The following SEPTIN9 variants were observed in gnomAD, a reference collection of about 807,000 sequenced individuals.
The protein encoded by SEPTIN9 is septin 9, also known as septin-9.
Under a neutral mutation model 56.6 loss-of-function variants are expected in SEPTIN9, and 13 were observed. That is an observed-to-expected ratio of 0.23 (90% confidence interval 0.15 to 0.37). The LOEUF (loss-of-function observed/expected upper bound fraction) is 0.37. Among genes scored for constraint, SEPTIN9 ranks in the 10% least tolerant of loss-of-function variants. SEPTIN9 has a pLI of 1.00. For missense variants in SEPTIN9, 650 were observed against 823.1 expected (o/e 0.79, Z 2.57); for synonymous variants, 332 against 334.1 (o/e 0.99, Z 0.07).
intron 1 of SEPTIN9, chr17:77,287,951 C>G: frequency 9.5e-7 from 1 of 1,050,752 alleles, no homozygotes; most frequent in Non-Finnish European, 1.1e-6. Context: ...AGTCGCTGGT[C>G]ATCCTCAGAG....
chr17:77,499,231 C>T lies in SEPTIN9; in HGVS notation c.*573C>T, dbSNP rs527593353. 3.8e-4 allele frequency: 221 copies of T among 584,924 alleles called. No individual in the cohort carries two copies. The highest frequency in any genetic ancestry group is 2.1e-3 in the African/African-American group (115 of 55,456). The allele number at this position is 584,924 out of a possible 1,614,324, so 36.2% of individuals were successfully genotyped here. A position where few individuals can be genotyped will look rare whatever the true frequency, so the allele number is the denominator to read the frequency against. On this transcript the variant is annotated 3_prime_UTR_variant, in exon 12 of 12. Transcript: ENST00000427177. Reference sequence around the variant, plus strand: ...AGAAAACTCCAGGGTCCCCTGCCACCGACTGCCCAGCCACTCCAAGCCCCC... The same window carrying T: ...AGAAAACTCCAGGGTCCCCTGCCACTGACTGCCCAGCCACTCCAAGCCCCC...
At chr17:77,427,890 C>T (rs1274603257) in intron 3 of SEPTIN9, among the ~76,000 whole-genome samples, 1 of 152,194 alleles carries the variant, frequency 6.6e-6, no homozygotes, top group Non-Finnish European at 1.5e-5. Flanking sequence ...GAGCTGTTCC[C>T]GCTTGCTCAT....
intron 3 of SEPTIN9, among the ~76,000 whole-genome samples, chr17:77,403,085 G>A (rs1021388228): frequency 3.3e-5 from 5 of 152,156 alleles, no homozygotes; most frequent in Non-Finnish European, 7.4e-5. Flanking sequence ...CAGGGGTGTA[G>A]GACAGGGTGG....
chr17:77,490,175 C>T (rs148339951), intron 7 of SEPTIN9, among the ~76,000 whole-genome samples: 1 of 152,328 alleles, frequency 6.6e-6, no homozygotes, highest in Admixed American at 6.5e-5. Context: ...GATTTATTCT[C>T]ACTGTGGGAA....
intron 2 of SEPTIN9, among the ~76,000 whole-genome samples, chr17:77,393,369 A>G (rs750495659): frequency 6.6e-6 from 1 of 152,134 alleles, no homozygotes; most frequent in Non-Finnish European, 1.5e-5. Flanking sequence ...CTTGGGCACT[A>G]GGAAAGGCTC....
Position 77,453,975 on chromosome 17 carries a change from G to A in SEPTIN9, c.722-28169G>A, listed in dbSNP as rs1286741785. On this transcript the variant is annotated intron_variant, in intron 3 of 11. Transcript: ENST00000427177. The surrounding 1 kb of genome is among the most constrained non-coding windows in gnomAD (Gnocchi z 4.4). ...CCTGTCACCACCACCAGCAGCTTCC[G>A]TTATCTGGTTCTTCTGTACATGTAA... 2.9e-5 allele frequency: 25 copies of A among 863,238 alleles called. No homozygotes were observed. Among genetic ancestry groups the A allele is most frequent in the African/African-American group, 3.7e-5 (2 of 54,750 alleles). The allele number at this position is 863,238 out of a possible 1,614,324, so 53.5% of individuals were successfully genotyped here. A position where few individuals can be genotyped will look rare whatever the true frequency, so the allele number is the denominator to read the frequency against.
At chr17:77,448,019 C>CT (rs1181560487) in intron 3 of SEPTIN9, among the ~76,000 whole-genome samples, 1 of 152,184 alleles carries the variant, frequency 6.6e-6, no homozygotes, top group Non-Finnish European at 1.5e-5. Flanking sequence ...TCACCAGTGT[C>CT]TTATGAGAGA....
intron 3 of SEPTIN9, chr17:77,454,132 G>A (rs1157292243): frequency 7.1e-6 from 7 of 985,704 alleles, no homozygotes; most frequent in African/African-American, 7.0e-5. Context: ...GCTCCTCCCC[G>A]CCGGCCCCTC....
intron 2 of SEPTIN9, among the ~76,000 whole-genome samples, chr17:77,384,506 T>C (rs1417434783): frequency 6.6e-6 from 1 of 151,670 alleles, no homozygotes; most frequent in Non-Finnish European, 1.5e-5. Context: ...TGTAGGATTC[T>C]CGGGGAGGAA....
intron 2 of SEPTIN9, among the ~76,000 whole-genome samples, chr17:77,355,877 G>A (rs910948015): frequency 1.3e-5 from 2 of 150,400 alleles, no homozygotes; most frequent in African/African-American, 4.9e-5. Flanking sequence ...AGCTACTCGG[G>A]AGGCTGAGGC....
intron 2 of SEPTIN9, among the ~76,000 whole-genome samples, chr17:77,394,637 C>G (rs1396025147): frequency 6.6e-6 from 1 of 152,228 alleles, no homozygotes; most frequent in African/African-American, 2.4e-5. Context: ...CTTTGCATGA[C>G]ATTTGTCCCA....
At chr17:77,383,178 C>A (rs55796692) in intron 2 of SEPTIN9, among the ~76,000 whole-genome samples, 2 of 101,160 alleles carry the variant, frequency 2.0e-5, no homozygotes, top group African/African-American at 9.0e-5. Flanking sequence ...CTCTCCCTCC[C>A]TCCTTCTCTC....
intron 2 of SEPTIN9, among the ~76,000 whole-genome samples, chr17:77,366,615 G>GC (rs1419196606): frequency 1.3e-5 from 2 of 152,170 alleles, no homozygotes; most frequent in Admixed American, 6.5e-5. Flanking sequence ...TGTGTGTGCA[G>GC]CCCCTGACCA....
At chr17:77,467,975 A>G (rs894494060) in intron 3 of SEPTIN9, among the ~76,000 whole-genome samples, 1 of 152,178 alleles carries the variant, frequency 6.6e-6, no homozygotes, top group African/African-American at 2.4e-5. Context: ...GTAAGAACTG[A>G]GGGACCTAGG....
At chr17:77,350,124 G>C (rs1568007575) in intron 2 of SEPTIN9, among the ~76,000 whole-genome samples, 2 of 152,204 alleles carry the variant, frequency 1.3e-5, no homozygotes, top group African/African-American at 4.8e-5. Flanking sequence ...TCAGGGCCAG[G>C]GGCCTGGCCT....
chr17:77,319,862 A>C lies in SEPTIN9; in HGVS notation c.76+12665A>C. On this transcript the variant is annotated intron_variant, in intron 2 of 11. Transcript: ENST00000427177. This position sits in a 1 kb window ranked among gnomAD's most constrained non-coding sequence, Gnocchi z 5.3. ...CTCCAAGTGGATATTAAAAAGGAGC[A>C]GCAAGCCTCGGGGCGGCGGGGGCTG... 9.1e-7 allele frequency: 1 copy of C among 1,095,290 alleles called. No individual in the cohort carries two copies. 67.8% of individuals were successfully genotyped at this position (1,095,290 alleles called of 1,614,324 possible). A position where few individuals can be genotyped will look rare whatever the true frequency, so the allele number is the denominator to read the frequency against.
At chr17:77,305,033 C>G (rs748554378) in intron 1 of SEPTIN9, among the ~76,000 whole-genome samples, 4 of 152,166 alleles carry the variant, frequency 2.6e-5, no homozygotes, top group Admixed American at 6.5e-5. Context: ...CTCTCCTGGT[C>G]TTAAGGAGGC....
In SEPTIN9 at chr17:77,335,976, G is replaced by C. The variant is rs1312392696; in HGVS notation, c.76+28779G>C. On this transcript the variant is annotated intron_variant, in intron 2 of 11. Coordinates refer to ENST00000427177, the MANE Select transcript of SEPTIN9 (RefSeq NM_001113491.2). ...TATACATGTAGGTCCTATGTTGACT[G>C]TATATGTGGTCCTATATTAGTATAT... Among the ~76,000 whole-genome samples, 11 of 111,752 alleles carry C rather than the reference G, an allele frequency of 9.8e-5. 1 individual carries two copies. In the South Asian group the frequency reaches 2.1e-3, roughly 21 times the overall value. 73.3% of individuals were successfully genotyped at this position (111,752 alleles called of 152,430 possible). A position where few individuals can be genotyped will look rare whatever the true frequency, so the allele number is the denominator to read the frequency against.
In SEPTIN9 at chr17:77,397,599, T is replaced by TC. The variant is rs568460072; in HGVS notation, c.77-4457dup. 3.9e-4 allele frequency among the ~76,000 whole-genome samples: 60 copies of TC among 152,234 alleles called. No individual in the cohort carries two copies. The South Asian group carries it at 0.012, about 31-fold the overall frequency. On this transcript the variant is annotated intron_variant, in intron 2 of 11. Coordinates refer to ENST00000427177, the MANE Select transcript of SEPTIN9 (RefSeq NM_001113491.2). ...GAAATGGGGGTGAAGGTCTAGTGCG[T>TC]CCCTCCTCCTTGGGAGCTCCCTCAG...
Sources: gnomAD v4.1 joint callset for allele counts (sites outside exome capture counted in the v4.1 genomes callset) on GRCh38, gnomAD v4.1.1 for gene constraint, Gnocchi (gnomAD v3.1) non-coding constraint, MANE v1.5 for transcripts, NCBI Gene and HGNC (gene_info 2026-07-23, HGNC 2026-07-21) for gene names.